Variants in DPP10 observed in about 807,000 individuals in gnomAD.
DPP10 encodes the protein dipeptidyl peptidase like 10.
Under a neutral mutation model 120.9 loss-of-function variants are expected in DPP10, and 33 were observed. The observed-to-expected ratio is 0.27, with a 90% CI of 0.21 to 0.37. The LOEUF is 0.37. DPP10 is among the 10% of genes least tolerant of loss of function. DPP10 has a pLI of 1.00. For synonymous variants in DPP10, 337 were observed against 326.1 expected (o/e 1.03, Z -0.36); for missense variants, 816 against 942.8 (o/e 0.87, Z 1.76).
At chr2:115,807,859 A>T (rs574541020) in intron 19 of DPP10, among the ~76,000 whole-genome samples, 1 of 152,118 alleles carries the variant, frequency 6.6e-6, no homozygotes, top group Non-Finnish European at 1.5e-5. Flanking sequence ...AACACGAAAA[A>T]TTCTGATTGA....
chr2:115,761,938 G>C (rs1018784673), intron 11 of DPP10, among the ~76,000 whole-genome samples: 1 of 151,930 alleles, frequency 6.6e-6, no homozygotes, highest in African/African-American at 2.4e-5. Flanking sequence ...ACATGTAAAC[G>C]GTATTATTAA....
chr2:114,632,774 A>T (rs1279089117), intron 1 of DPP10, among the ~76,000 whole-genome samples: 1 of 152,062 alleles, frequency 6.6e-6, no homozygotes, highest in African/African-American at 2.4e-5. Context: ...GGCCTCCCAA[A>T]GTGCTGGGAT....
intron 1 of DPP10, among the ~76,000 whole-genome samples, chr2:115,123,202 C>T (rs888352686): frequency 2.6e-5 from 4 of 152,020 alleles, no homozygotes; most frequent in Non-Finnish European, 5.9e-5. Context: ...CAAGTTGTAG[C>T]GGGACCAAAA....
intron 1 of DPP10, among the ~76,000 whole-genome samples, chr2:114,800,673 C>T (rs1369278176): frequency 6.6e-6 from 1 of 152,112 alleles, no homozygotes; most frequent in African/African-American, 2.4e-5. Flanking sequence ...AGATTTTATC[C>T]TCATGATGTT....
At chr2:115,418,735 T>G (rs1258098267) in intron 3 of DPP10, among the ~76,000 whole-genome samples, 2 of 151,828 alleles carry the variant, frequency 1.3e-5, no homozygotes, top group East Asian at 3.9e-4. Flanking sequence ...TCACAAACAC[T>G]GCATTCCAGC....
intron 1 of DPP10, among the ~76,000 whole-genome samples, chr2:114,706,491 G>A (rs1028541924): frequency 7.9e-5 from 12 of 152,088 alleles, no homozygotes; most frequent in Non-Finnish European, 1.5e-4. Flanking sequence ...GTAACACTTG[G>A]CATTTTTTGA....
chr2:114,806,705 A>C (rs1300242051), intron 1 of DPP10, among the ~76,000 whole-genome samples: 1 of 152,212 alleles, frequency 6.6e-6, no homozygotes, highest in African/African-American at 2.4e-5. Context: ...AAAATTTGGC[A>C]TATTACAATA....
chr2:115,295,826 AT>A (rs1355795392), intron 1 of DPP10, among the ~76,000 whole-genome samples: 3 of 152,092 alleles, frequency 2.0e-5, no homozygotes, highest in Admixed American at 1.3e-4. Context: ...CACTCAAGGA[AT>A]CTTTAAACTT....
intron 1 of DPP10, among the ~76,000 whole-genome samples, chr2:114,503,230 A>G (rs1362562836): frequency 6.6e-6 from 1 of 152,218 alleles, no homozygotes; most frequent in East Asian, 1.9e-4. Context: ...CACAGCTAGT[A>G]CATCTGTGAT....
At chr2:115,522,409 G>C (rs1289620612) in intron 4 of DPP10, among the ~76,000 whole-genome samples, 2 of 152,170 alleles carry the variant, frequency 1.3e-5, no homozygotes, top group African/African-American at 4.8e-5. Context: ...AGCACCTTCA[G>C]TGTCTGCCTG....
At chr2:115,394,980 A>G (rs2067575981) in intron 3 of DPP10, among the ~76,000 whole-genome samples, 1 of 152,224 alleles carries the variant, frequency 6.6e-6, no homozygotes, top group African/African-American at 2.4e-5. Flanking sequence ...AGTTCTCCTA[A>G]TGCATACCTC....
intron 1 of DPP10, among the ~76,000 whole-genome samples, chr2:115,006,660 A>G (rs1384454743): frequency 6.6e-6 from 1 of 150,518 alleles, no homozygotes; most frequent in Non-Finnish European, 1.5e-5. Flanking sequence ...TTCAACAAGA[A>G]GAGCTAACTA....
At chr2:115,222,799 A>ATTAG (rs2057242164) in intron 1 of DPP10, among the ~76,000 whole-genome samples, 1 of 152,156 alleles carries the variant, frequency 6.6e-6, no homozygotes, top group Non-Finnish European at 1.5e-5. Context: ...AAGAGTCAGC[A>ATTAG]TTAGTATCTA....
intron 3 of DPP10, among the ~76,000 whole-genome samples, chr2:115,484,751 C>T (rs1439224692): frequency 6.6e-6 from 1 of 152,078 alleles, no homozygotes; most frequent in Non-Finnish European, 1.5e-5. Flanking sequence ...GCATGAAGCC[C>T]TACATGCAGT....
chr2:115,520,992 T>A (rs2077770151), intron 4 of DPP10, among the ~76,000 whole-genome samples: 2 of 152,182 alleles, frequency 1.3e-5, no homozygotes, highest in African/African-American at 4.8e-5. Context: ...TTAGATGAAC[T>A]GCACGTGTAA....
chr2:115,411,656 T>C (rs1331954529), intron 3 of DPP10, among the ~76,000 whole-genome samples: 1 of 152,188 alleles, frequency 6.6e-6, no homozygotes, highest in African/African-American at 2.4e-5. Context: ...TTAGAAAGAC[T>C]TGGGGAGTAA....
intron 1 of DPP10, among the ~76,000 whole-genome samples, chr2:115,126,349 G>T (rs10184481): frequency 0.13 from 19,145 of 151,890 alleles, 1,368 homozygotes; most frequent in East Asian, 0.17. Flanking sequence ...CAATCCACCC[G>T]CCTCAGCCTC....
intron 1 of DPP10, among the ~76,000 whole-genome samples, chr2:114,905,457 A>AT (rs1238765867): frequency 2.6e-4 from 40 of 152,128 alleles, no homozygotes; most frequent in African/African-American, 8.4e-4. Flanking sequence ...AATTATTTAC[A>AT]TTTTTAGTTT....
chr2:114,819,962 A>G (rs1032653590), intron 1 of DPP10, among the ~76,000 whole-genome samples: 5 of 152,148 alleles, frequency 3.3e-5, no homozygotes, highest in Admixed American at 6.5e-5. Context: ...TGGAATGTTA[A>G]TGTATTCAAT....
Sources: gnomAD v4.1 joint callset for allele counts (sites outside exome capture counted in the v4.1 genomes callset) on GRCh38, gnomAD v4.1.1 for gene constraint, MANE v1.5 for transcripts, NCBI Gene and HGNC (gene_info 2026-07-23, HGNC 2026-07-21) for gene names.